Variants in HDAC4 observed in about 807,000 individuals in gnomAD.
The protein encoded by HDAC4 is histone deacetylase A.
HDAC4 carries 16 observed loss-of-function variants against 135.1 expected under a neutral mutation model. The observed-to-expected ratio is 0.12, with a 90% confidence interval of 0.08 to 0.18. HDAC4 has a LOEUF of 0.18. Ranked by LOEUF, HDAC4 falls within the 10% of genes least tolerant of loss-of-function variation. HDAC4 has a pLI of 1.00. For synonymous variants in HDAC4, 685 were observed against 653.4 expected, an observed-to-expected ratio of 1.05 and a Z score of -0.74; for missense variants, 1,143 against 1,511.8, an observed-to-expected ratio of 0.76 and a Z score of 4.05.
intron 1 of HDAC4, among the ~76,000 whole-genome samples, chr2:239,383,189 G>C (rs370958831): frequency 6.6e-6 from 1 of 152,200 alleles, no homozygotes; most frequent in African/African-American, 2.4e-5. Context: ...AGATGTGCTT[G>C]TTTCCCGTGG....
Position 239,306,692 on chromosome 2 carries a change from G to A in HDAC4, c.22+45986C>T, listed in dbSNP as rs767057504. Among the ~76,000 whole-genome samples the A allele has an allele frequency of 2.6e-5, 4 of 152,112 alleles. No individual in the cohort carries two copies. Among genetic ancestry groups the A allele is most frequent in the African/African-American group, 2.4e-5 (1 of 41,418 alleles). ...GATGGCAGAACCCAGGTCCTCGGGCGCAGAGCATCCAGGGCCCAGGGCCCA... is the reference window on the plus strand; with the variant it reads ...GATGGCAGAACCCAGGTCCTCGGGCACAGAGCATCCAGGGCCCAGGGCCCA... On this transcript the variant is annotated intron_variant, in intron 2 of 26. Transcript: ENST00000543185. This position sits in a 1 kb window ranked among gnomAD's most constrained non-coding sequence, Gnocchi z 4.5.
intron 7 of HDAC4, among the ~76,000 whole-genome samples, chr2:239,154,351 G>T (rs1035465166): frequency 1.3e-5 from 2 of 152,186 alleles, no homozygotes; most frequent in Non-Finnish European, 1.5e-5. Flanking sequence ...GCATGCCACA[G>T]CCGTGAGGAT....
intron 2 of HDAC4, among the ~76,000 whole-genome samples, chr2:239,277,654 G>A (rs892412659): frequency 4.6e-5 from 7 of 152,166 alleles, no homozygotes; most frequent in African/African-American, 1.7e-4. Context: ...CTGCCTAAAA[G>A]GGCCACACAG....
At chr2:239,157,954 C>A (rs1256381710) in intron 6 of HDAC4, among the ~76,000 whole-genome samples, 1 of 152,198 alleles carries the variant, frequency 6.6e-6, no homozygotes, top group Non-Finnish European at 1.5e-5. Flanking sequence ...CAGCTTCAGG[C>A]CACGCCCCAA....
intron 3 of HDAC4, among the ~76,000 whole-genome samples, chr2:239,224,702 T>C (rs1464231855): frequency 6.6e-6 from 1 of 152,194 alleles, no homozygotes; most frequent in East Asian, 1.9e-4. Context: ...TAAATACATG[T>C]ATTCCATATG....
rs764434550 is a variant in HDAC4 at position 239,060,092 on chromosome 2, G to C, written c.3004-5259C>G. ...GCCGGTGGAAACAGGGCACCCTTCA[G>C]TGCTTCAGCTCAGTGTGTCACATGG... On this transcript the variant is annotated intron_variant, in intron 24 of 26. Coordinates refer to ENST00000543185, the MANE Select transcript of HDAC4 (RefSeq NM_001378414.1). Among the ~76,000 whole-genome samples the C allele has an allele frequency of 5.3e-5, 8 of 152,218 alleles. 1 individual carries two copies. The highest frequency in any genetic ancestry group is 1.2e-4 in the Non-Finnish European group (8 of 68,034).
chr2:239,273,647 C>G (rs2050177522), intron 2 of HDAC4, among the ~76,000 whole-genome samples: 1 of 152,214 alleles, frequency 6.6e-6, no homozygotes. Context: ...CCGGCGCAGG[C>G]TCCAGCTGCA....
chr2:239,225,363 T>G (rs1247899246), intron 3 of HDAC4, among the ~76,000 whole-genome samples: 1 of 152,142 alleles, frequency 6.6e-6, no homozygotes, highest in Non-Finnish European at 1.5e-5. Flanking sequence ...AACAAGCATA[T>G]CCGAATAAAT....
intron 5 of HDAC4, among the ~76,000 whole-genome samples, chr2:239,171,634 A>C (rs1050251556): frequency 2.0e-5 from 3 of 152,230 alleles, no homozygotes; most frequent in African/African-American, 7.2e-5. Flanking sequence ...ATAACAGTAT[A>C]AAACAACAGA....
intron 1 of HDAC4, among the ~76,000 whole-genome samples, chr2:239,362,397 A>G (rs1424157437): frequency 1.3e-5 from 2 of 152,242 alleles, no homozygotes; most frequent in African/African-American, 4.8e-5. Flanking sequence ...ACTTAATTTC[A>G]TGGAATAAGC....
Position 239,052,837 on chromosome 2 carries a change from T to TG in HDAC4, c.*259_*260insC. 1.8e-6 allele frequency: 1 copy of TG among 542,902 alleles called. No individual in the cohort carries two copies. Among genetic ancestry groups the TG allele is most frequent in the Non-Finnish European group, 3.3e-6 (1 of 301,912 alleles). The allele number at this position is 542,902 out of a possible 1,614,324, so 33.6% of individuals were successfully genotyped here. ...CGGGACCCGCCAGAGTGTGCTTGGC[T>TG]TCCGCGTGTCCGTGTGTCTGCGCGT... On this transcript the variant is annotated 3_prime_UTR_variant, in exon 27 of 27. Coordinates refer to ENST00000543185, the MANE Select transcript of HDAC4 (RefSeq NM_001378414.1).
chr2:239,156,865 C>G, intron 6 of HDAC4, 92 bp from the exon 7 acceptor site: 3 of 1,488,820 alleles, frequency 2.0e-6, no homozygotes, highest in Non-Finnish European at 2.8e-6. Context: ...TGATCTTTCC[C>G]TTGAAACCTC....
At chr2:239,291,860 C>T (rs935877010) in intron 2 of HDAC4, among the ~76,000 whole-genome samples, 2 of 152,294 alleles carry the variant, frequency 1.3e-5, no homozygotes, top group East Asian at 1.9e-4. Context: ...GCCTTCTCCC[C>T]GGGAGCCGCC....
intron 3 of HDAC4, among the ~76,000 whole-genome samples, chr2:239,235,404 G>C (rs1408664541): frequency 6.6e-6 from 1 of 152,222 alleles, no homozygotes; most frequent in Non-Finnish European, 1.5e-5. Flanking sequence ...GTGATGAGTG[G>C]GTCTAACTGG....
chr2:239,224,321 C>G (rs926980573), intron 3 of HDAC4, among the ~76,000 whole-genome samples: 2 of 152,234 alleles, frequency 1.3e-5, no homozygotes, highest in Admixed American at 6.5e-5. Flanking sequence ...GTGGGTCTCC[C>G]TGCTCCTCCG....
chr2:239,250,246 C>T (rs747760263), intron 2 of HDAC4, among the ~76,000 whole-genome samples: 3 of 152,246 alleles, frequency 2.0e-5, no homozygotes, highest in Non-Finnish European at 4.4e-5. Context: ...GAGAACCCAG[C>T]TGATGAAGAC....
chr2:239,356,218 T>C (rs1296312637), intron 1 of HDAC4, among the ~76,000 whole-genome samples: 1 of 152,172 alleles, frequency 6.6e-6, no homozygotes, highest in African/African-American at 2.4e-5. Flanking sequence ...GAAATTTACC[T>C]TTTAAAAAGG....
rs1056799097 is a variant in HDAC4, at chr2:239,303,309, C to T, written c.22+49369G>A. On this transcript the variant is annotated intron_variant, in intron 2 of 26. Transcript: ENST00000543185. The surrounding 1 kb of genome is among the most constrained non-coding windows in gnomAD (Gnocchi z 5.1). Reference sequence around the variant, plus strand: ...ATAAGTTTCGCTTCCTTTTTATCTACGCTCCCGGATTGACTTGTCCTCCTC... The same window carrying T: ...ATAAGTTTCGCTTCCTTTTTATCTATGCTCCCGGATTGACTTGTCCTCCTC... Among the ~76,000 whole-genome samples the T allele has an allele frequency of 3.3e-5, 5 of 152,254 alleles. No homozygotes were observed. The highest frequency in any genetic ancestry group is 2.1e-4 in the South Asian group (1 of 4,836).
In HDAC4 at chr2:239,248,250, G is replaced by A. The variant is rs973365540; in HGVS notation, c.23-11586C>T. On this transcript the variant is annotated intron_variant, in intron 2 of 26. Coordinates refer to ENST00000543185, the MANE Select transcript of HDAC4 (RefSeq NM_001378414.1). ...GGCTGAAGTGCAGTGGCGTGATCTC[G>A]GCTCACTGCAACCTCCGCCTCCCGG... 2.0e-4 allele frequency among the ~76,000 whole-genome samples: 30 copies of A among 151,514 alleles called. 1 individual carries two copies. The highest frequency in any genetic ancestry group is 6.6e-4 in the Admixed American group (10 of 15,196).
Sources: allele counts gnomAD v4.1 joint callset (sites outside exome capture counted in the v4.1 genomes callset), GRCh38; gene constraint gnomAD v4.1.1; non-coding constraint Gnocchi (gnomAD v3.1); transcripts MANE v1.5; gene names NCBI Gene and HGNC (gene_info 2026-07-23, HGNC 2026-07-21).